The following DOK7 variants were observed in gnomAD, a reference collection of about 807,000 sequenced individuals.
The protein encoded by DOK7 is protein Dok-7.
A neutral mutation model predicts 30.7 loss-of-function variants in DOK7; 32 were observed. The ratio of observed to expected loss-of-function variants is 1.04; its 90% CI spans 0.79 to 1.40. The LOEUF (loss-of-function observed/expected upper bound fraction) is 1.40. DOK7 is among the 40% of genes most tolerant of loss of function. The probability of loss-of-function intolerance (pLI) is 0.00; values close to 1 mark genes in which losing one functional copy is unlikely to be tolerated. For synonymous variants in DOK7, 447 were observed against 324.1 expected, an observed-to-expected ratio of 1.38 and a Z score of -4.07; for missense variants, 1,007 against 699.2, an observed-to-expected ratio of 1.44 and a Z score of -4.97.
Position 3,485,567 on chromosome 4 carries a change from C to T in DOK7, c.561C>T (p.Ala187=), listed in dbSNP as rs140026458. Residue 187 remains alanine, a synonymous_variant, in exon 5 of 7, where the codon GCC becomes GCT. Coordinates refer to ENST00000340083, the MANE Select transcript of DOK7 (RefSeq NM_173660.5). Reference sequence around the variant, plus strand: ...CTGGCGTCTTCTTCCTGTCCTCGGCCGAGGGGGAGCAGATCAGCTTCCTGT... The same window carrying T: ...CTGGCGTCTTCTTCCTGTCCTCGGCTGAGGGGGAGCAGATCAGCTTCCTGT... ...YWAGVFFLSS[A]EGEQISFLFD... The T allele has an allele frequency of 6.4e-5, 102 of 1,605,910 alleles. No homozygotes were observed. Among genetic ancestry groups the T allele is most frequent in the Middle Eastern group, 1.7e-4 (1 of 6,058 alleles).
intron 6 of DOK7, among the ~76,000 whole-genome samples, chr4:3,490,112 A>ATTCATTCTTCACCCC (rs1728137936): frequency 2.3e-5 from 1 of 42,888 alleles, no homozygotes; most frequent in Non-Finnish European, 4.2e-5. Flanking sequence ...CTTCACCCCC[A>ATTCATTCTTCACCCC]TTCATTCCTT....
At position 3,463,574 on chromosome 4, in the gene DOK7, G is replaced by T. The variant is rs756021191; in HGVS notation, c.100+23G>T. Reference sequence around the variant, plus strand: ...CAGGTGAGCGGGGCGGGCGGGGGACGGGGGGCGCGGGGGTAGCGACACGGG... The same window carrying T: ...CAGGTGAGCGGGGCGGGCGGGGGACTGGGGGCGCGGGGGTAGCGACACGGG... On this transcript the variant is annotated intron_variant, in intron 2 of 6. Coordinates refer to ENST00000340083, the MANE Select transcript of DOK7 (RefSeq NM_173660.5). 9 of 1,509,490 alleles carry T rather than the reference G, an allele frequency of 6.0e-6. No homozygotes were observed. In the African/African-American group the frequency reaches 7.0e-5, roughly 12 times the overall value. 93.5% of individuals were successfully genotyped at this position (1,509,490 alleles called of 1,614,324 possible). A position where few individuals can be genotyped will look rare whatever the true frequency, so the allele number is the denominator to read the frequency against.
chr4:3,476,317 G>A, intron 3 of DOK7, 25 bp from the exon 4 acceptor site: 1 of 1,427,274 alleles, frequency 7.0e-7, no homozygotes, highest in Non-Finnish European at 9.3e-7. Context: ...CGCCCGTGAT[G>A]CCCTCTTGCC....
intron 6 of DOK7, among the ~76,000 whole-genome samples, chr4:3,492,319 G>A (rs1560230843): frequency 6.6e-6 from 1 of 152,018 alleles, no homozygotes; most frequent in Non-Finnish European, 1.5e-5. Flanking sequence ...GCAGGGCCTG[G>A]GAAGTTCTTG....
chr4:3,494,106 G>C lies in DOK7; in HGVS notation c.*605G>C, dbSNP rs1387685816. On this transcript the variant is annotated 3_prime_UTR_variant, in exon 7 of 7. Transcript: ENST00000340083. ...GGGTTCTGGGCCCCACTGTTCCCCA[G>C]TGAAGCCCTTGTGGGAAGGTTCCGG... 9.1e-6 allele frequency: 9 copies of C among 985,876 alleles called. No homozygotes were observed. The highest frequency in any genetic ancestry group is 9.6e-6 in the Non-Finnish European group (8 of 830,362). The allele number at this position is 985,876 out of a possible 1,614,324, so 61.1% of individuals were successfully genotyped here. A position where few individuals can be genotyped will look rare whatever the true frequency, so the allele number is the denominator to read the frequency against.
intron 6 of DOK7, among the ~76,000 whole-genome samples, chr4:3,491,780 G>A (rs867154712): frequency 5.3e-5 from 8 of 152,270 alleles, no homozygotes; most frequent in African/African-American, 9.6e-5. Context: ...CTCAGCTGCC[G>A]GTGGCTCTGG....
rs1447016347 is a variant in DOK7 at position 3,489,700 on chromosome 4, A to G, written c.676A>G (p.Thr226Ala). ...LPDPSPPGPS[T>A]VEERVAQEAL... ...AGACCCAAGTCCCCCGGGACCCTCGACTGTGGAGGAGCGTGTGGCCCAGGA... is the reference window on the plus strand; with the variant it reads ...AGACCCAAGTCCCCCGGGACCCTCGGCTGTGGAGGAGCGTGTGGCCCAGGA... The change falls in exon 6 of 7, where the codon ACT (threonine) becomes GCT (alanine). Residue 226 changes from threonine (T) to alanine (A), a missense_variant. Physicochemically the swap from Thr to Ala is moderately conservative, Grantham distance 58. Transcript: ENST00000340083. The G allele has an allele frequency of 7.0e-6, 11 of 1,564,266 alleles. No individual in the cohort carries two copies. The highest frequency in any genetic ancestry group is 1.7e-4 in the Middle Eastern group (1 of 5,990).
At chr4:3,495,665 C>T (rs556474458), downstream of DOK7, among the ~76,000 whole-genome samples, 62 of 152,348 alleles carry the variant, frequency 4.1e-4, no homozygotes, top group Middle Eastern at 0.01. Flanking sequence ...AGGCCAGGGG[C>T]AACCAGATGG....
chr4:3,493,384 G>A lies in DOK7; in HGVS notation c.1398G>A (p.Leu466=). 2 of 1,594,376 alleles carry A rather than the reference G, an allele frequency of 1.3e-6. No individual in the cohort carries two copies. The highest frequency in any genetic ancestry group is 1.7e-6 in the Non-Finnish European group (2 of 1,171,062). ...MEAPQGSEAT[L]PGPAPGEPWE... is the part of the protein sequence containing the mutation. ...CCCCCCAGGGCAGCGAGGCCACACT[G>A]CCTGGCCCTGCCCCTGGCGAGCCCT... Residue 466 remains leucine (L), a synonymous_variant, in exon 7 of 7, where the codon CTG becomes CTA. Coordinates refer to ENST00000340083, the MANE Select transcript of DOK7 (RefSeq NM_173660.5).
chr4:3,493,584 G>C lies in DOK7; in HGVS notation c.*83G>C. The C allele has an allele frequency of 6.4e-7, 1 of 1,556,300 alleles. No individual in the cohort carries two copies. Among genetic ancestry groups the C allele is most frequent in the Non-Finnish European group, 8.7e-7 (1 of 1,150,354 alleles). Reference sequence around the variant, plus strand: ...AGGAAGTGGCGCCAGCCTCCTTGCAGACTGGTGCTCTGTGTTCTGTGGGAG... The same window carrying C: ...AGGAAGTGGCGCCAGCCTCCTTGCACACTGGTGCTCTGTGTTCTGTGGGAG... On this transcript the variant is annotated 3_prime_UTR_variant, in exon 7 of 7. Coordinates refer to ENST00000340083, the MANE Select transcript of DOK7 (RefSeq NM_173660.5).
chr4:3,467,455 C>A (rs547993556), intron 2 of DOK7, among the ~76,000 whole-genome samples: 5 of 131,206 alleles, frequency 3.8e-5, no homozygotes, highest in Non-Finnish European at 6.7e-5. Flanking sequence ...GAAGACCCCC[C>A]CCCCCCACCC....
rs201023802 is a variant in DOK7, at chr4:3,489,810, C to T, written c.772+14C>T. 1.3e-6 allele frequency: 2 copies of T among 1,565,782 alleles called. No individual in the cohort carries two copies. The highest frequency in any genetic ancestry group is 1.7e-6 in the Non-Finnish European group (2 of 1,154,800). On this transcript the variant is annotated intron_variant, in intron 6 of 6. Coordinates refer to ENST00000340083, the MANE Select transcript of DOK7 (RefSeq NM_173660.5). ...CGGGCAGTGGAGGTAGGGCCGGGGG[C>T]TGACCTGGGCTGTGGGACCTCGGCT...
In DOK7 at chr4:3,493,181, A is replaced by T. The variant is rs1276557889; in HGVS notation, c.1195A>T (p.Thr399Ser). 1 of 1,609,496 alleles carries T rather than the reference A, an allele frequency of 6.2e-7. No homozygotes were observed. Among genetic ancestry groups the T allele is most frequent in the East Asian group, 2.2e-5 (1 of 44,700 alleles). Residue 399 changes from threonine (T) to serine (S), a missense_variant, in exon 7 of 7, where the codon ACC becomes TCC. Coordinates refer to ENST00000340083, the MANE Select transcript of DOK7 (RefSeq NM_173660.5). ...LPGTVEYQVP[T>S]SLRAHYDTPR... is the part of the protein sequence containing the mutation. Reference sequence around the variant, plus strand: ...CGGGACAGTCGAGTACCAGGTGCCCACCTCCCTGCGGGCCCACTATGACAC... The same window carrying T: ...CGGGACAGTCGAGTACCAGGTGCCCTCCTCCCTGCGGGCCCACTATGACAC...
At chr4:3,467,428 A>G (rs1377205836) in intron 2 of DOK7, among the ~76,000 whole-genome samples, 2 of 147,852 alleles carry the variant, frequency 1.4e-5, no homozygotes, top group Non-Finnish European at 1.5e-5. Context: ...TGGGCTTCTC[A>G]GCCTCACGTG....
intron 2 of DOK7, among the ~76,000 whole-genome samples, chr4:3,468,275 C>T (rs572371120): frequency 6.7e-6 from 1 of 149,560 alleles, no homozygotes; most frequent in Non-Finnish European, 1.5e-5. Flanking sequence ...CATGTGAATA[C>T]CTGTGGGAGT....
downstream of DOK7, among the ~76,000 whole-genome samples, chr4:3,496,384 G>T (rs1030545052): frequency 6.6e-6 from 1 of 152,266 alleles, no homozygotes; most frequent in Non-Finnish European, 1.5e-5. Flanking sequence ...CACCCTCAAG[G>T]ACGGGAAAGG....
In DOK7 at chr4:3,479,614, G is replaced by C. The variant is rs548075837; in HGVS notation, c.532+3072G>C. ...GCCTCACTTGGCCCCGCCACAGCCA[G>C]CTCTGCAGAGAGCAGAGAGGGTGAC... On this transcript the variant is annotated intron_variant, in intron 4 of 6. Coordinates refer to ENST00000340083, the MANE Select transcript of DOK7 (RefSeq NM_173660.5). 1.7e-3 allele frequency among the ~76,000 whole-genome samples: 262 copies of C among 152,322 alleles called. 4 individuals are homozygous for C. Among genetic ancestry groups the C allele is most frequent in the African/African-American group, 6.1e-3 (252 of 41,572 alleles).
chr4:3,468,432 G>A (rs1726463256), intron 2 of DOK7, among the ~76,000 whole-genome samples: 1 of 147,446 alleles, frequency 6.8e-6, no homozygotes, highest in Admixed American at 6.7e-5. Context: ...CTGTGTGAAT[G>A]TACATGTACG....
At chr4:3,490,126 TCCCTGC>T (rs1728143801) in intron 6 of DOK7, among the ~76,000 whole-genome samples, 2 of 114,452 alleles carry the variant, frequency 1.7e-5, no homozygotes, top group African/African-American at 6.5e-5. Flanking sequence ...ATTCCTTTTC[TCCCTGC>T]TCATTCATTC....
Sources: allele counts gnomAD v4.1 joint callset (sites outside exome capture counted in the v4.1 genomes callset), GRCh38; gene constraint gnomAD v4.1.1; transcripts MANE v1.5; gene names NCBI Gene and HGNC (gene_info 2026-07-23, HGNC 2026-07-21).